The following RNASEH1 variants were observed in gnomAD, a reference collection of about 807,000 sequenced individuals.
RNASEH1 encodes the protein ribonuclease H1, also known as ribonuclease H type II.
RNASEH1 carries 27 observed loss-of-function variants against 34.6 expected under a neutral mutation model. That is an observed-to-expected ratio of 0.78 (90% CI 0.58 to 1.08). The LOEUF (loss-of-function observed/expected upper bound fraction) is 1.08. Among genes scored for constraint, RNASEH1 ranks in the 50% least tolerant of loss-of-function variants. The probability of loss-of-function intolerance (pLI) is 0.00; values close to 1 mark genes in which losing one functional copy is unlikely to be tolerated. For missense variants in RNASEH1, 349 were observed against 373.6 expected (o/e 0.93, Z 0.54); for synonymous variants, 162 against 138.4 (o/e 1.17, Z -1.20).
At chr2:3,547,628 C>T (rs1432037973) in intron 7 of RNASEH1, among the ~76,000 whole-genome samples, 1 of 152,048 alleles carries the variant, frequency 6.6e-6, no homozygotes, top group Non-Finnish European at 1.5e-5. Context: ...GCTGGGACTA[C>T]AGGCACACAC....
rs1669036629 is a variant in RNASEH1 at position 3,549,084 on chromosome 2, G to A, written c.538C>T (p.Gln180Ter). 1 of 1,613,714 alleles carries A rather than the reference G, an allele frequency of 6.2e-7. No individual in the cohort carries two copies. Among genetic ancestry groups the A allele is most frequent in the Non-Finnish European group, 8.5e-7 (1 of 1,179,618 alleles). Residue 180 changes from glutamine (Q) to a stop codon, truncating the protein, a stop_gained, in exon 5 of 8, where the codon CAG becomes TAG. Transcript: ENST00000315212. LOFTEE classifies it high-confidence loss of function. Reference sequence around the variant, plus strand: ...TGAATTTCCGCTCTTTGGTTTGTCTGCCGCCCAGGAAGTCTAATGCCTACA... The same window carrying A: ...TGAATTTCCGCTCTTTGGTTTGTCTACCGCCCAGGAAGTCTAATGCCTACA... ...LNVGIRLPGR[Q>*]TNQRAEIHAA... is the part of the protein sequence containing the mutation.
intron 3 of RNASEH1, 128 bp downstream of exon 3, chr2:3,552,016 A>G (rs977879481): frequency 1.4e-6 from 1 of 713,056 alleles, no homozygotes; most frequent in Non-Finnish European, 2.3e-6. Flanking sequence ...TTTCTAAATA[A>G]TCTTTACACA....
At chr2:3,539,790 C>A (rs1329062282), downstream of RNASEH1, among the ~76,000 whole-genome samples, 1 of 152,208 alleles carries the variant, frequency 6.6e-6, no homozygotes, top group Non-Finnish European at 1.5e-5. Context: ...GACCAGAAAT[C>A]TACCCCGAGG....
At chr2:3,555,971 G>C (rs1211455088) in intron 2 of RNASEH1, among the ~76,000 whole-genome samples, 2 of 152,144 alleles carry the variant, frequency 1.3e-5, no homozygotes, top group Non-Finnish European at 2.9e-5. Context: ...AGGTGTTTAA[G>C]ACCAGCCTGG....
Position 3,552,255 on chromosome 2 carries a change from G to A in RNASEH1, c.298C>T (p.Arg100Cys), listed in dbSNP as rs199761578. The A allele has an allele frequency of 2.7e-5, 44 of 1,613,968 alleles. No homozygotes were observed. The highest frequency in any genetic ancestry group is 6.7e-5 in the Admixed American group (4 of 60,022). The change falls in exon 3 of 8, where the codon CGT becomes TGT. Residue 100 changes from arginine (R) to cysteine (C), a missense_variant. By Grantham distance (180) the Arg-to-Cys change is radical. This residue lies in a region of RNASEH1 where 256 missense variants were observed against 240.7 expected (regional missense o/e 1.06). Transcript: ENST00000315212. ...TGTCCATCTCCATCCAGTGGCTCAC[G>A]GAGTCGCTTGCTGGCTTTCGCCTCC... Reference protein sequence around the residue: ...ESEAKASKRLREPLDGDGHES... With the variant: ...ESEAKASKRLCEPLDGDGHES...
rs1668552148 is a variant in RNASEH1 at position 3,544,362 on chromosome 2, T to C, written c.*1423A>G. Among the ~76,000 whole-genome samples the C allele has an allele frequency of 6.6e-6, 1 of 152,156 alleles. No individual in the cohort carries two copies. The highest frequency in any genetic ancestry group is 1.5e-5 in the Non-Finnish European group (1 of 68,008). On this transcript the variant is annotated 3_prime_UTR_variant, in exon 8 of 8. Transcript: ENST00000315212. ...ACCACGTGGTCAGCAAAATCTACAC[T>C]GTGGGAAGCCATGGGACAAACAGCC... is the stretch of plus-strand genomic sequence containing the variant.
Position 3,556,785 on chromosome 2 carries a change from C to T in RNASEH1, c.244+4G>A. 1 of 1,597,710 alleles carries T rather than the reference C, an allele frequency of 6.3e-7. No homozygotes were observed. Among genetic ancestry groups the T allele is most frequent in the Non-Finnish European group, 8.6e-7 (1 of 1,164,980 alleles). ...AATGTCACACTGATATGAGAGGTGA[C>T]TACCTTCTGAAACTTCCGGGCTTGC... On this transcript the variant is annotated splice_donor_region_variant and intron_variant, in intron 2 of 7. Transcript: ENST00000315212.
chr2:3,558,087 G>T (rs1339428956), intron 1 of RNASEH1, 46 bp downstream of exon 1: 5 of 1,550,046 alleles, frequency 3.2e-6, no homozygotes, highest in East Asian at 4.8e-5. Context: ...GGCCTCCCTC[G>T]ACCCCGATGC....
At chr2:3,539,000 T>C (rs1668145216), downstream of RNASEH1, among the ~76,000 whole-genome samples, 1 of 152,204 alleles carries the variant, frequency 6.6e-6, no homozygotes, top group African/African-American at 2.4e-5. Context: ...TGAGTATTTC[T>C]TTTTCTGTAA....
At chr2:3,537,479 T>C (rs1668043923), downstream of RNASEH1, among the ~76,000 whole-genome samples, 1 of 152,104 alleles carries the variant, frequency 6.6e-6, no homozygotes, top group African/African-American at 2.4e-5. Context: ...CCCCAGCGTG[T>C]TGGGAGGCCG....
chr2:3,545,751 G>T lies in RNASEH1; in HGVS notation c.*34C>A. ...AGTACAGGCAGCAAGACAGCCGCTG[G>T]CTCAAGTTCTCCCAAGGACTAAAGT... On this transcript the variant is annotated 3_prime_UTR_variant, in exon 8 of 8. Coordinates refer to ENST00000315212, the MANE Select transcript of RNASEH1 (RefSeq NM_002936.6). 1 of 1,474,680 alleles carries T rather than the reference G, an allele frequency of 6.8e-7. No individual in the cohort carries two copies. The highest frequency in any genetic ancestry group is 9.5e-7 in the Non-Finnish European group (1 of 1,052,676). 91.3% of individuals were successfully genotyped at this position (1,474,680 alleles called of 1,614,324 possible). A position where few individuals can be genotyped will look rare whatever the true frequency, so the allele number is the denominator to read the frequency against.
At chr2:3,535,299 G>A in the RNASEH1 span, among the ~76,000 whole-genome samples, 7 of 151,880 alleles carry the variant, frequency 4.6e-5, no homozygotes, top group Admixed American at 2.6e-4. Flanking sequence ...GGTGGTGTGT[G>A]CCTCTAGTCC....
At chr2:3,552,442 A>C (rs1660041351) in intron 2 of RNASEH1, 134 bp from the exon 3 acceptor site, 1 of 745,398 alleles carries the variant, frequency 1.3e-6, no homozygotes, top group Non-Finnish European at 2.1e-6. Context: ...TGGCCCTACA[A>C]CGAGGGAAAC....
chr2:3,554,066 T>C (rs1660250930), intron 2 of RNASEH1, among the ~76,000 whole-genome samples: 1 of 152,088 alleles, frequency 6.6e-6, no homozygotes, highest in Non-Finnish European at 1.5e-5. Context: ...GAACGCCTAC[T>C]AGAAAGGAAC....
chr2:3,553,400 T>G (rs1215402777), intron 2 of RNASEH1, among the ~76,000 whole-genome samples: 1 of 151,814 alleles, frequency 6.6e-6, no homozygotes, highest in African/African-American at 2.4e-5. Context: ...CCAAATAGTT[T>G]TTTTTTTTTG....
chr2:3,540,802 T>A (rs892644147), downstream of RNASEH1, among the ~76,000 whole-genome samples: 24 of 152,152 alleles, frequency 1.6e-4, no homozygotes, highest in African/African-American at 4.6e-4. Flanking sequence ...TTTTTTTTTT[T>A]AAATCACAGA....
intron 3 of RNASEH1, 62 bp downstream of exon 3, chr2:3,552,082 C>A (rs948078155): frequency 2.8e-6 from 4 of 1,443,276 alleles, no homozygotes; most frequent in African/African-American, 2.8e-5. Context: ...TGGGAAACAC[C>A]TTTTACACAT....
the RNASEH1 span, chr2:3,533,483 G>C: frequency 1.3e-5 from 2 of 152,420 alleles, no homozygotes; most frequent in African/African-American, 4.8e-5. Flanking sequence ...GCTGCTACGA[G>C]TCGGCTCAGG....
In RNASEH1 at chr2:3,550,391, C is replaced by T. The variant is rs754843808; in HGVS notation, c.491G>A (p.Trp164Ter). 6.2e-7 allele frequency: 1 copy of T among 1,613,656 alleles called. No individual in the cohort carries two copies. The highest frequency in any genetic ancestry group is 8.5e-7 in the Non-Finnish European group (1 of 1,179,714). ...RRPRAGIGVYWGPGHPLNVGI... is the reference protein window; with the variant it reads ...RRPRAGIGVY Reference sequence around the variant, plus strand: ...AACTTACAAAGGATGGCCTGGCCCCCAGTAAACGCCGATTCCTGCTCGCGG... The same window carrying T: ...AACTTACAAAGGATGGCCTGGCCCCTAGTAAACGCCGATTCCTGCTCGCGG... The change falls in exon 4 of 8, where the codon TGG becomes TAG. Residue 164 changes from tryptophan (W) to a stop codon, truncating the protein, a stop_gained. Transcript: ENST00000315212. LOFTEE classifies it high-confidence loss of function.
Sources: gnomAD v4.1 joint callset for allele counts (sites outside exome capture counted in the v4.1 genomes callset) on GRCh38, gnomAD v4.1.1 for gene constraint, gnomAD v4.1.1 regional missense constraint, MANE v1.5 for transcripts, NCBI Gene and HGNC (gene_info 2026-07-23, HGNC 2026-07-21) for gene names.